The following ZBTB40 variants were observed in gnomAD, a reference collection of about 807,000 sequenced individuals.
ZBTB40 encodes zinc finger and BTB domain-containing protein 40.
In ZBTB40, 60 loss-of-function variants were observed where a neutral mutation model predicts 117.5. That is an observed-to-expected ratio of 0.51 (90% CI 0.41 to 0.63). The LOEUF is 0.63. ZBTB40 is among the 30% of genes least tolerant of loss of function. The pLI is 0.00. For missense variants in ZBTB40, 1,287 were observed against 1,498.5 expected (o/e 0.86, Z 2.33); for synonymous variants, 525 against 577.1 (o/e 0.91, Z 1.29).
At chr1:22,490,925 T>A (rs912752783) in intron 2 of ZBTB40, among the ~76,000 whole-genome samples, 1 of 152,276 alleles carries the variant, frequency 6.6e-6, no homozygotes, top group African/African-American at 2.4e-5. Flanking sequence ...AGACGGAGTC[T>A]TGTTCTGTTG....
chr1:22,432,694 C>T (rs1640608540), intron 1 of ZBTB40, among the ~76,000 whole-genome samples: 1 of 152,186 alleles, frequency 6.6e-6, no homozygotes, highest in Non-Finnish European at 1.5e-5. Context: ...CTGACTGATA[C>T]ATACTCCATT....
chr1:22,500,154 A>G (rs1348683271), intron 3 of ZBTB40, among the ~76,000 whole-genome samples: 2 of 152,258 alleles, frequency 1.3e-5, no homozygotes, highest in Non-Finnish European at 2.9e-5. Context: ...AGAAATGTGA[A>G]CCTTACCTTC....
At chr1:22,495,024 G>T (rs900731049) in intron 3 of ZBTB40, among the ~76,000 whole-genome samples, 2 of 152,138 alleles carry the variant, frequency 1.3e-5, no homozygotes, top group African/African-American at 2.4e-5. Flanking sequence ...GCTTTGAGTG[G>T]TATCCTGTGA....
intron 1 of ZBTB40, among the ~76,000 whole-genome samples, chr1:22,468,102 A>T (rs1641302728): frequency 6.6e-6 from 1 of 151,874 alleles, no homozygotes; most frequent in African/African-American, 2.4e-5. Context: ...AAAAAAAAAA[A>T]AGAAAAGAAG....
chr1:22,467,711 G>C (rs978242433), intron 1 of ZBTB40, among the ~76,000 whole-genome samples: 1 of 150,944 alleles, frequency 6.6e-6, no homozygotes, highest in African/African-American at 2.4e-5. Flanking sequence ...CTGACCTCAA[G>C]TGATCCTCCC....
At position 22,490,481 on chromosome 1, in the gene ZBTB40, C is replaced by T; in HGVS notation, c.533C>T (p.Ala178Val). Residue 178 changes from alanine to valine, a missense_variant, in exon 2 of 18, where the codon GCA (alanine) becomes GTA (valine). Coordinates refer to ENST00000375647, the MANE Select transcript of ZBTB40 (RefSeq NM_014870.4). ...GGPVKAETEE[A>V]AHSVSQEMSV... ...CCTGTGAAAGCTGAGACTGAGGAAG[C>T]AGCCCATTCAGTTTCACAAGAGATG... 1 of 1,598,446 alleles carries T rather than the reference C, an allele frequency of 6.3e-7. No homozygotes were observed. The highest frequency in any genetic ancestry group is 8.5e-7 in the Non-Finnish European group (1 of 1,172,066).
intron 1 of ZBTB40, among the ~76,000 whole-genome samples, chr1:22,431,734 C>CT: frequency 1.4e-5 from 1 of 73,612 alleles, no homozygotes; most frequent in Non-Finnish European, 4.5e-5. Context: ...GAAATGCCAT[C>CT]TCAAAAAAAA....
chr1:22,508,396 A>G, intron 7 of ZBTB40, 134 bp from the exon 8 acceptor site: 2 of 1,106,288 alleles, frequency 1.8e-6, no homozygotes, highest in Non-Finnish European at 2.7e-6. Context: ...AATCTCTCAG[A>G]CTGAGAGGTG....
chr1:22,470,520 C>A (rs1641376162), intron 1 of ZBTB40, among the ~76,000 whole-genome samples: 1 of 152,116 alleles, frequency 6.6e-6, no homozygotes. Context: ...TGGGCTTCGG[C>A]TTCTTGAAGG....
At chr1:22,468,464 C>T (rs57517480) in intron 1 of ZBTB40, among the ~76,000 whole-genome samples, 11,771 of 79,296 alleles carry the variant, frequency 0.15, 1,117 homozygotes, top group African/African-American at 0.31. Flanking sequence ...GTTAATGTTT[C>T]CTTTTTTTTT....
At chr1:22,523,270 G>A (rs1484309342) in intron 16 of ZBTB40, among the ~76,000 whole-genome samples, 5 of 152,016 alleles carry the variant, frequency 3.3e-5, no homozygotes, top group Non-Finnish European at 7.4e-5. Flanking sequence ...CATTTTTAAG[G>A]AACTATTAAA....
upstream of ZBTB40, among the ~76,000 whole-genome samples, chr1:22,449,966 G>A (rs577091679): frequency 7.6e-4 from 114 of 149,888 alleles, 2 homozygotes; most frequent in South Asian, 0.023. Context: ...TTTTTGAGAC[G>A]GAGTCTCGCT....
At chr1:22,436,653 G>A (rs180869289) in intron 1 of ZBTB40, among the ~76,000 whole-genome samples, 163 of 152,228 alleles carry the variant, frequency 1.1e-3, no homozygotes, top group African/African-American at 3.8e-3. Context: ...AGTGGGCCCA[G>A]TAATTAAAAG....
Position 22,513,187 on chromosome 1 carries a change from C to G in ZBTB40, c.2668+57C>G. The G allele has an allele frequency of 6.4e-7, 1 of 1,571,406 alleles. No homozygotes were observed. The highest frequency in any genetic ancestry group is 8.7e-7 in the Non-Finnish European group (1 of 1,154,260). Reference sequence around the variant, plus strand: ...GACTTTCACTGCGAACTGCCTAAACCCCATTTGGATTAGGTGTGATATATA... The same window carrying G: ...GACTTTCACTGCGAACTGCCTAAACGCCATTTGGATTAGGTGTGATATATA... On this transcript the variant is annotated intron_variant, in intron 12 of 17. Transcript: ENST00000375647. The surrounding 1 kb of genome is among the most constrained non-coding windows in gnomAD (Gnocchi z 4.9).
intron 1 of ZBTB40, among the ~76,000 whole-genome samples, chr1:22,433,439 A>AAAAACAAAAACAAAAAAAC: frequency 1.2e-5 from 1 of 83,766 alleles, no homozygotes; most frequent in South Asian, 3.9e-4. Flanking sequence ...TCTCAAAAAA[A>AAAAACAAAAACAAAAAAAC]AAAAAAAAAA....
chr1:22,508,435 A>G (rs1402620014), intron 7 of ZBTB40, 95 bp from the exon 8 acceptor site: 9 of 1,414,216 alleles, frequency 6.4e-6, no homozygotes, highest in Non-Finnish European at 7.8e-6. Flanking sequence ...TTCCCCAAAC[A>G]TATTCACTGT....
rs1395179217 is a variant in ZBTB40, at chr1:22,490,111, AAC to A, written c.167_168del (p.Thr56ArgfsTer48). 2 of 1,614,066 alleles carry A rather than the reference AAC, an allele frequency of 1.2e-6. No homozygotes were observed. Among genetic ancestry groups the A allele is most frequent in the Non-Finnish European group, 1.7e-6 (2 of 1,180,030 alleles). ...ASLLFKTLLD[N>X]TDTISIDASV... is the part of the protein sequence containing the mutation. ...CCTCCTGTTCAAAACCCTGCTGGATAACACAGATACCATCTCCATCGATGCAT... is the reference window on the plus strand; with the variant it reads ...CCTCCTGTTCAAAACCCTGCTGGATAACAGATACCATCTCCATCGATGCAT... On this transcript the variant is annotated frameshift_variant, in exon 2 of 18. Transcript: ENST00000375647. LOFTEE classifies it high-confidence loss of function.
intron 6 of ZBTB40, 104 bp from the exon 7 acceptor site, chr1:22,507,897 C>T (rs1338885195): frequency 6.4e-7 from 1 of 1,554,474 alleles, no homozygotes; most frequent in African/African-American, 1.4e-5. Flanking sequence ...GACACTGAGC[C>T]CTTGTGCTGA....
At chr1:22,469,452 T>A (rs2124402008) in intron 1 of ZBTB40, among the ~76,000 whole-genome samples, 1 of 152,342 alleles carries the variant, frequency 6.6e-6, no homozygotes, top group Admixed American at 6.5e-5. Context: ...CCTGAGGAGC[T>A]GGGACTACAG....
Sources: gnomAD v4.1 joint callset for allele counts (sites outside exome capture counted in the v4.1 genomes callset) on GRCh38, gnomAD v4.1.1 for gene constraint, Gnocchi (gnomAD v3.1) non-coding constraint, MANE v1.5 for transcripts, NCBI Gene and HGNC (gene_info 2026-07-23, HGNC 2026-07-21) for gene names.